The following KLRG1 variants were observed in gnomAD, a reference collection of about 807,000 sequenced individuals.
The protein encoded by KLRG1 is killer cell lectin like receptor G1, also known as killer cell lectin-like receptor subfamily G member 1.
In KLRG1, 16 loss-of-function variants were observed where a neutral mutation model predicts 21.8. The ratio of observed to expected loss-of-function variants is 0.73; its 90% confidence interval spans 0.50 to 1.11. The LOEUF (loss-of-function observed/expected upper bound fraction) is 1.11. KLRG1 is among the 50% of genes most tolerant of loss of function. KLRG1 has a pLI of 0.00. For missense variants in KLRG1, 173 were observed against 218.3 expected (o/e 0.79, Z 1.31); for synonymous variants, 69 against 75.9 (o/e 0.91, Z 0.47).
chr12:9,017,822 A>G, the KLRG1 span, among the ~76,000 whole-genome samples: 13 of 152,222 alleles, frequency 8.5e-5, no homozygotes, highest in Non-Finnish European at 1.5e-4. Context: ...AAGAAGTCAA[A>G]TCATTCTTGT....
the KLRG1 span, among the ~76,000 whole-genome samples, chr12:9,096,741 A>G: frequency 6.6e-6 from 1 of 152,242 alleles, no homozygotes; most frequent in African/African-American, 2.4e-5. Context: ...TTCTCAAAGT[A>G]TCTTAACATT....
chr12:9,044,206 C>T, the KLRG1 span, among the ~76,000 whole-genome samples: 2 of 151,936 alleles, frequency 1.3e-5, no homozygotes, highest in Non-Finnish European at 2.9e-5. Context: ...CAAAGTACAA[C>T]TTAGAATTGA....
At chr12:9,060,795 T>G in the KLRG1 span, among the ~76,000 whole-genome samples, 1 of 152,230 alleles carries the variant, frequency 6.6e-6, no homozygotes, top group Non-Finnish European at 1.5e-5. Flanking sequence ...ATATGTCGCT[T>G]CTTTATAACT....
chr12:9,077,834 G>C, the KLRG1 span: 1 of 1,614,136 alleles, frequency 6.2e-7, no homozygotes, highest in Non-Finnish European at 8.5e-7. Context: ...TTGGGCAAAA[G>C]TCTTCAGAAC....
At chr12:9,062,685 G>A in the KLRG1 span, among the ~76,000 whole-genome samples, 6 of 143,232 alleles carry the variant, frequency 4.2e-5, no homozygotes, top group Admixed American at 2.1e-4. Context: ...TATTTATATC[G>A]GATATATTGT....
the KLRG1 span, among the ~76,000 whole-genome samples, chr12:9,057,126 A>T: frequency 2.6e-5 from 4 of 152,206 alleles, no homozygotes; most frequent in African/African-American, 9.6e-5. Context: ...AGGAAGAAAA[A>T]ATAAGTTATG....
At chr12:9,069,680 C>T in the KLRG1 span, 6 of 1,282,248 alleles carry the variant, frequency 4.7e-6, no homozygotes, top group Non-Finnish European at 6.7e-6. Flanking sequence ...CATTTACCTT[C>T]CCAGATGTTC....
the KLRG1 span, among the ~76,000 whole-genome samples, chr12:9,205,369 G>A: frequency 6.6e-6 from 1 of 152,066 alleles, no homozygotes; most frequent in Non-Finnish European, 1.5e-5. Flanking sequence ...ATGTGTTTTT[G>A]TTGTTGCTGT....
the KLRG1 span, chr12:9,109,412 A>T: frequency 6.2e-7 from 1 of 1,607,806 alleles, no homozygotes; most frequent in Non-Finnish European, 8.5e-7. Context: ...AGAACTGTTG[A>T]TTGGTGATAA....
At chr12:9,016,873 CA>C in the KLRG1 span, among the ~76,000 whole-genome samples, 2 of 152,050 alleles carry the variant, frequency 1.3e-5, no homozygotes, top group Non-Finnish European at 2.9e-5. Flanking sequence ...CTCAGCCTCC[CA>C]AAGTGCTGGT....
At chr12:9,085,988 T>A in the KLRG1 span, among the ~76,000 whole-genome samples, 1 of 152,044 alleles carries the variant, frequency 6.6e-6, no homozygotes, top group East Asian at 1.9e-4. Context: ...AGTAAAGAGA[T>A]TGAATCAGTA....
the KLRG1 span, among the ~76,000 whole-genome samples, chr12:9,022,537 A>G: frequency 3.3e-5 from 5 of 152,132 alleles, no homozygotes; most frequent in Non-Finnish European, 7.4e-5. Flanking sequence ...TGTCTTATGT[A>G]TGCTCATGAA....
the KLRG1 span, chr12:9,095,757 T>A: frequency 7.0e-7 from 1 of 1,436,544 alleles, no homozygotes; most frequent in Non-Finnish European, 9.2e-7. Context: ...TTTTTTTTTT[T>A]TTTTTTTTTT....
the KLRG1 span, chr12:9,152,392 C>T: frequency 9.9e-7 from 1 of 1,011,028 alleles, no homozygotes; most frequent in African/African-American, 1.6e-5. Flanking sequence ...CACTTTAAGC[C>T]TGTCTGTCTT....
chr12:8,963,744 T>G (rs1946418412), intron 1 of KLRG1, among the ~76,000 whole-genome samples: 1 of 152,246 alleles, frequency 6.6e-6, no homozygotes, highest in Admixed American at 6.5e-5. Context: ...AGATTCAACT[T>G]CTTCCTGGTT....
chr12:8,996,490 A>C (rs1947134888), intron 3 of KLRG1: 1 of 152,178 alleles, frequency 6.6e-6, no homozygotes, highest in African/African-American at 2.4e-5. Context: ...AAACTATATT[A>C]ACTTACCTTG....
At chr12:8,984,560 A>C (rs768481378), upstream of KLRG1, among the ~76,000 whole-genome samples, 1 of 152,240 alleles carries the variant, frequency 6.6e-6, no homozygotes, top group African/African-American at 2.4e-5. Flanking sequence ...GCCCTCATTC[A>C]GTTATTTTTA....
the KLRG1 span, chr12:9,101,602 T>C: frequency 1.1e-5 from 17 of 1,614,022 alleles, no homozygotes; most frequent in East Asian, 4.5e-5. Context: ...AGATAAGCAG[T>C]GTGATGTGCC....
chr12:9,126,583 C>T, the KLRG1 span, among the ~76,000 whole-genome samples: 1 of 152,224 alleles, frequency 6.6e-6, no homozygotes, highest in Admixed American at 6.5e-5. Flanking sequence ...CCAGGTCTTT[C>T]AGTGGGCTGC....
Sources: gnomAD v4.1 joint callset for allele counts (sites outside exome capture counted in the v4.1 genomes callset) on GRCh38, gnomAD v4.1.1 for gene constraint, MANE v1.5 for transcripts, NCBI Gene and HGNC (gene_info 2026-07-23, HGNC 2026-07-21) for gene names.